CDH2: variants seen among roughly 807,000 people sequenced by gnomAD.
The protein encoded by CDH2 is cadherin-2.
CDH2 carries 17 observed loss-of-function variants against 92.0 expected under a neutral mutation model. The ratio of observed to expected loss-of-function variants is 0.18; its 90% CI spans 0.13 to 0.28. CDH2 has a LOEUF of 0.28. Ranked by LOEUF, CDH2 falls within the 10% of genes least tolerant of loss-of-function variation. CDH2 has a pLI of 1.00. For missense variants in CDH2, 862 were observed against 1,133.1 expected, an observed-to-expected ratio of 0.76 and a Z score of 3.44; for synonymous variants, 419 against 415.9, an observed-to-expected ratio of 1.01 and a Z score of -0.09.
At chr18:28,135,604 A>T (rs2015848535) in intron 2 of CDH2, among the ~76,000 whole-genome samples, 2 of 152,196 alleles carry the variant, frequency 1.3e-5, no homozygotes. Context: ...TATAAATGCA[A>T]AGAGATGCTT....
intron 14 of CDH2, among the ~76,000 whole-genome samples, chr18:27,967,151 T>A (rs2011551288): frequency 6.6e-6 from 1 of 152,150 alleles, no homozygotes; most frequent in Non-Finnish European, 1.5e-5. Context: ...GACACAAGGT[T>A]AAAATACATG....
At chr18:28,006,705 G>A (rs1368600479) in intron 5 of CDH2, among the ~76,000 whole-genome samples, 6 of 141,706 alleles carry the variant, frequency 4.2e-5, no homozygotes, top group South Asian at 2.4e-4. Context: ...GTGACAGAGT[G>A]GGACTCTGTC....
At chr18:28,025,362 C>CA (rs1453615347) in intron 2 of CDH2, among the ~76,000 whole-genome samples, 1 of 151,614 alleles carries the variant, frequency 6.6e-6, no homozygotes, top group Admixed American at 6.6e-5. Context: ...TACTAAAATA[C>CA]AAAAAATTAG....
intron 13 of CDH2, among the ~76,000 whole-genome samples, chr18:27,984,158 A>G (rs377569396): frequency 6.6e-6 from 1 of 152,242 alleles, no homozygotes; most frequent in Non-Finnish European, 1.5e-5. Flanking sequence ...TGCTTAGAAT[A>G]AAGGGACAGA....
rs143666918 is a variant in CDH2, at chr18:28,174,548, G to C, written c.60+2415C>G. ...AGAAAGTTATAATTTCTCCTTTCCTGAAGGTTTAAAAAAGTCAACATTGGT... is the reference window on the plus strand; with the variant it reads ...AGAAAGTTATAATTTCTCCTTTCCTCAAGGTTTAAAAAAGTCAACATTGGT... On this transcript the variant is annotated intron_variant, in intron 1 of 15. Transcript: ENST00000269141. Among the ~76,000 whole-genome samples the C allele has an allele frequency of 2.0e-5, 3 of 152,290 alleles. No individual in the cohort carries two copies. In the East Asian group the frequency reaches 5.8e-4, roughly 29 times the overall value.
At chr18:27,986,578 TATATA>T (rs962048156) in intron 11 of CDH2, among the ~76,000 whole-genome samples, 12 of 152,336 alleles carry the variant, frequency 7.9e-5, no homozygotes, top group African/African-American at 2.9e-4. Flanking sequence ...CACACACAAA[TATATA>T]ATATGTTTAT....
chr18:28,016,517 T>A (rs1410036051), intron 2 of CDH2, among the ~76,000 whole-genome samples: 1 of 152,134 alleles, frequency 6.6e-6, no homozygotes, highest in African/African-American at 2.4e-5. Flanking sequence ...GAAAATGAAT[T>A]AATACTTATG....
intron 2 of CDH2, among the ~76,000 whole-genome samples, chr18:28,039,870 T>C (rs535763797): frequency 6.6e-6 from 1 of 152,330 alleles, no homozygotes; most frequent in Non-Finnish European, 1.5e-5. Flanking sequence ...TCAACATTTA[T>C]GGCTCAAGAA....
Position 27,939,068 on chromosome 18 carries a change from T to G in CDH2, c.1152-5944A>C, listed in dbSNP as rs111563960. Among the ~76,000 whole-genome samples the G allele has an allele frequency of 3.6e-3, 552 of 152,212 alleles. 3 individuals carry two copies. The highest frequency in any genetic ancestry group is 0.01 in the South Asian group (49 of 4,820). ...ATCAGATGAATTTTCTTTCTTCCTG[T>G]GTGTTTTTGGGAATGCATTCTGCAT... On this transcript the variant is annotated intron_variant, in intron 6 of 6. Coordinates refer to the CDH2 transcript ENST00000675173.
chr18:28,131,730 C>T (rs547250560), intron 2 of CDH2, among the ~76,000 whole-genome samples: 19 of 146,708 alleles, frequency 1.3e-4, no homozygotes, highest in Non-Finnish European at 2.6e-4. Flanking sequence ...TGTGATCCTA[C>T]AGCTCAGTTA....
chr18:28,084,091 A>C (rs1375773524), intron 2 of CDH2, among the ~76,000 whole-genome samples: 2 of 152,188 alleles, frequency 1.3e-5, no homozygotes, highest in Non-Finnish European at 2.9e-5. Flanking sequence ...AACAAACAAC[A>C]ACAATACAAC....
chr18:28,075,682 AG>A (rs1482830103), intron 2 of CDH2, among the ~76,000 whole-genome samples: 1 of 152,200 alleles, frequency 6.6e-6, no homozygotes, highest in Non-Finnish European at 1.5e-5. Flanking sequence ...TAGCAGCTGC[AG>A]GACATTTGCT....
chr18:28,011,957 T>C lies in CDH2; in HGVS notation c.435A>G (p.Arg145=), dbSNP rs201673805. ...SAEVEEIVFP[R]QFSKHSGHLQ... ...GGTGGCCACTGTGCTTACTGAATTG[T>C]CTTGGGAACACTATTTCTTCAACTT... Residue 145 remains arginine, a synonymous_variant, in exon 4 of 16, where the codon AGA becomes AGG. Transcript: ENST00000269141. 20 of 1,613,954 alleles carry C rather than the reference T, an allele frequency of 1.2e-5. No individual in the cohort carries two copies. In the South Asian group the frequency reaches 2.0e-4, roughly 16 times the overall value.
intron 2 of CDH2, among the ~76,000 whole-genome samples, chr18:28,139,615 GATC>G (rs2015920701): frequency 1.3e-5 from 2 of 151,866 alleles, no homozygotes; most frequent in African/African-American, 4.8e-5. Flanking sequence ...TGGCACAGAT[GATC>G]ACTCCTTTCC....
chr18:28,116,335 C>T (rs2015495787), intron 2 of CDH2, among the ~76,000 whole-genome samples: 2 of 152,116 alleles, frequency 1.3e-5, no homozygotes, highest in Non-Finnish European at 2.9e-5. Context: ...GGCTTTGAAG[C>T]CCAAGCATCT....
intron 2 of CDH2, among the ~76,000 whole-genome samples, chr18:28,042,028 A>C (rs749191790): frequency 2.0e-5 from 3 of 152,176 alleles, no homozygotes; most frequent in African/African-American, 7.2e-5. Context: ...GGTAATCATC[A>C]CCATAAAAAC....
chr18:28,170,979 A>C lies in CDH2; in HGVS notation c.60+5984T>G, dbSNP rs187285921. Among the ~76,000 whole-genome samples, 1,332 of 151,792 alleles carry C rather than the reference A, an allele frequency of 8.8e-3. 4 individuals are homozygous for C. Among genetic ancestry groups the C allele is most frequent in the Non-Finnish European group, 0.014 (971 of 67,958 alleles). On this transcript the variant is annotated intron_variant, in intron 1 of 15. Transcript: ENST00000269141. ...AGCAGTGGCTCGTGTCTGTAATCCGAGCACTTCGGGAGGCCGAGGCAGGCG... is the reference window on the plus strand; with the variant it reads ...AGCAGTGGCTCGTGTCTGTAATCCGCGCACTTCGGGAGGCCGAGGCAGGCG...
At chr18:28,006,650 C>T (rs1030941398) in intron 5 of CDH2, among the ~76,000 whole-genome samples, 4 of 148,082 alleles carry the variant, frequency 2.7e-5, no homozygotes, top group Admixed American at 2.0e-4. Context: ...CACTTGAACC[C>T]GAGGTTGCAG....
intron 1 of CDH2, among the ~76,000 whole-genome samples, chr18:28,171,494 C>T (rs570327647): frequency 1.1e-3 from 165 of 152,180 alleles, no homozygotes; most frequent in Non-Finnish European, 2.2e-3. Flanking sequence ...CTAAACCCCT[C>T]CCCAAAATTG....
Sources: gnomAD v4.1 joint callset for allele counts (sites outside exome capture counted in the v4.1 genomes callset) on GRCh38, gnomAD v4.1.1 for gene constraint, MANE v1.5 for transcripts, NCBI Gene and HGNC (gene_info 2026-07-23, HGNC 2026-07-21) for gene names.